The following THNSL1 variants were observed in gnomAD, a reference collection of about 807,000 sequenced individuals.
THNSL1 encodes the protein threonine synthase like 1.
Under a neutral mutation model 50.4 loss-of-function variants are expected in THNSL1, and 48 were observed. The ratio of observed to expected loss-of-function variants is 0.95; its 90% CI spans 0.76 to 1.21. The LOEUF is 1.21. THNSL1 is among the 50% of genes most tolerant of loss of function. The pLI is 0.00. For missense variants in THNSL1, 896 were observed against 871.7 expected (o/e 1.03, Z -0.35); for synonymous variants, 309 against 306.1 (o/e 1.01, Z -0.10).
chr10:25,003,545 A>T, the THNSL1 span, among the ~76,000 whole-genome samples: 2 of 152,218 alleles, frequency 1.3e-5, no homozygotes, highest in African/African-American at 4.8e-5. Flanking sequence ...CTAGATTTTT[A>T]AAACTTAATA....
chr10:24,975,261 G>A, the THNSL1 span, among the ~76,000 whole-genome samples: 1 of 152,214 alleles, frequency 6.6e-6, no homozygotes, highest in African/African-American at 2.4e-5. Context: ...ATTAAGGTTT[G>A]TCCTCAGTAT....
the THNSL1 span, among the ~76,000 whole-genome samples, chr10:24,958,769 A>G: frequency 6.6e-6 from 1 of 151,566 alleles, no homozygotes; most frequent in African/African-American, 2.4e-5. Context: ...TTCTCTTGCA[A>G]TAATGTCAGA....
At chr10:25,010,032 G>T in the THNSL1 span, among the ~76,000 whole-genome samples, 1 of 152,154 alleles carries the variant, frequency 6.6e-6, no homozygotes, top group South Asian at 2.1e-4. Flanking sequence ...ATGTGAAAGC[G>T]ACTTTGGAAC....
chr10:25,011,682 T>A (rs1331847442), upstream of THNSL1, among the ~76,000 whole-genome samples: 1 of 152,152 alleles, frequency 6.6e-6, no homozygotes, highest in East Asian at 1.9e-4. Flanking sequence ...GGCAAGGTTT[T>A]CATGTCTAAA....
the THNSL1 span, among the ~76,000 whole-genome samples, chr10:24,981,010 G>A: frequency 7.9e-5 from 12 of 152,304 alleles, no homozygotes; most frequent in Admixed American, 1.3e-4. Flanking sequence ...GTGAGCCACC[G>A]CACCTGGCCC....
Position 25,026,234 on chromosome 10 carries a change from ATCTCACACTG to A in THNSL1, c.*782_*791del, listed in dbSNP as rs1850849720. The A allele has an allele frequency of 6.0e-6, 1 of 166,916 alleles. No individual in the cohort carries two copies. The allele number at this position is 166,916 out of a possible 1,614,324, so 10.3% of individuals were successfully genotyped here. ...CCATTTTGGACTACAACTAATGTGTATCTCACACTGTCCAAATTAAAGATGTACTCTGTCC... is the reference window on the plus strand; with the variant it reads ...CCATTTTGGACTACAACTAATGTGTATCCAAATTAAAGATGTACTCTGTCC... On this transcript the variant is annotated 3_prime_UTR_variant, in exon 3 of 3. Transcript: ENST00000376356.
the THNSL1 span, among the ~76,000 whole-genome samples, chr10:24,992,829 C>T: frequency 2.4e-4 from 37 of 152,262 alleles, no homozygotes; most frequent in Non-Finnish European, 1.9e-4. Flanking sequence ...TACAAATAGA[C>T]TCTGGGAGGC....
At chr10:25,010,944 CTTTG>C in the THNSL1 span, among the ~76,000 whole-genome samples, 2 of 151,584 alleles carry the variant, frequency 1.3e-5, no homozygotes, top group African/African-American at 4.8e-5. Context: ...ATTTATGGTC[CTTTG>C]GGTATATACC....
the THNSL1 span, among the ~76,000 whole-genome samples, chr10:24,993,317 G>A: frequency 6.6e-6 from 1 of 152,092 alleles, no homozygotes; most frequent in African/African-American, 2.4e-5. Flanking sequence ...CTTTTATTAG[G>A]TGTCACATTT....
the THNSL1 span, chr10:24,953,325 G>C: frequency 1.3e-5 from 2 of 152,232 alleles, no homozygotes; most frequent in African/African-American, 4.8e-5. Context: ...GGGTGGCCCG[G>C]ATCTGCAGTG....
upstream of THNSL1, chr10:25,015,721 C>G (rs1395403257): frequency 1.3e-6 from 1 of 752,972 alleles, no homozygotes; most frequent in Non-Finnish European, 1.9e-6. Flanking sequence ...TTTTCTCTAA[C>G]AAGTTATCCT....
At chr10:25,014,708 T>C (rs1303360011), upstream of THNSL1, among the ~76,000 whole-genome samples, 1 of 152,198 alleles carries the variant, frequency 6.6e-6, no homozygotes, top group Non-Finnish European at 1.5e-5. Context: ...AATAGAAAAT[T>C]TGAAAATAAA....
At chr10:24,994,157 C>G in the THNSL1 span, among the ~76,000 whole-genome samples, 2 of 152,102 alleles carry the variant, frequency 1.3e-5, no homozygotes, top group African/African-American at 4.8e-5. Flanking sequence ...CATGGTAGAT[C>G]ACTGGACTCT....
the THNSL1 span, among the ~76,000 whole-genome samples, chr10:24,971,962 G>A: frequency 1.1e-3 from 163 of 152,002 alleles, no homozygotes; most frequent in Non-Finnish European, 1.6e-3. Context: ...AGGCCTAGGC[G>A]GGCGGATCAC....
the THNSL1 span, among the ~76,000 whole-genome samples, chr10:24,958,249 C>A: frequency 6.6e-6 from 1 of 152,176 alleles, no homozygotes; most frequent in Non-Finnish European, 1.5e-5. Context: ...ACATCTGAAA[C>A]TTAGTGACTC....
Position 25,024,609 on chromosome 10 carries a change from A to G in THNSL1, c.1386A>G (p.Gly462=). The G allele has an allele frequency of 6.2e-7, 1 of 1,614,218 alleles. No individual in the cohort carries two copies. Residue 462 remains glycine, a synonymous_variant, in exon 3 of 3, where the codon GGA becomes GGG. Coordinates refer to ENST00000376356, the MANE Select transcript of THNSL1 (RefSeq NM_024838.5). ...DFTGFLTVEY[G]TILSSANSIN... Reference sequence around the variant, plus strand: ...CTGGCTTTCTTACTGTGGAATATGGAACAATCTTAAGTTCGGCTAACTCCA... The same window carrying G: ...CTGGCTTTCTTACTGTGGAATATGGGACAATCTTAAGTTCGGCTAACTCCA...
At chr10:25,009,020 A>G in the THNSL1 span, among the ~76,000 whole-genome samples, 2 of 151,962 alleles carry the variant, frequency 1.3e-5, no homozygotes, top group African/African-American at 4.8e-5. Context: ...AAAACCAAAC[A>G]CCGCATGTTC....
chr10:25,001,365 T>C, the THNSL1 span, among the ~76,000 whole-genome samples: 36 of 152,132 alleles, frequency 2.4e-4, no homozygotes, highest in African/African-American at 8.4e-4. Context: ...TAATGTCTCT[T>C]GGTATTCTTT....
chr10:24,985,227 C>T, the THNSL1 span, among the ~76,000 whole-genome samples: 1 of 152,182 alleles, frequency 6.6e-6, no homozygotes, highest in Non-Finnish European at 1.5e-5. Flanking sequence ...ACAGCAAATG[C>T]ATGGGTAAAA....
Sources: allele counts gnomAD v4.1 joint callset (sites outside exome capture counted in the v4.1 genomes callset), GRCh38; gene constraint gnomAD v4.1.1; transcripts MANE v1.5; gene names NCBI Gene and HGNC (gene_info 2026-07-23, HGNC 2026-07-21).